CCDC13: variants seen among roughly 807,000 people sequenced by gnomAD.
CCDC13 encodes the protein coiled-coil domain-containing protein 13.
CCDC13 carries 70 observed loss-of-function variants against 87.3 expected under a neutral mutation model. The observed-to-expected ratio is 0.80, with a 90% CI of 0.66 to 0.98. The LOEUF (loss-of-function observed/expected upper bound fraction) is 0.98, where lower values mean the gene tolerates loss of function less well. CCDC13 is among the 50% of genes least tolerant of loss of function. The pLI, the probability that CCDC13 is intolerant of heterozygous loss-of-function variation, is 0.00. For synonymous variants in CCDC13, 317 were observed against 360.3 expected, an observed-to-expected ratio of 0.88 and a Z score of 1.36; for missense variants, 842 against 892.0, an observed-to-expected ratio of 0.94 and a Z score of 0.71.
At chr3:42,713,510 T>C (rs1698361911) in intron 13 of CCDC13, among the ~76,000 whole-genome samples, 194 bp from the exon 14 acceptor site, 1 of 152,176 alleles carries the variant, frequency 6.6e-6, no homozygotes, top group Non-Finnish European at 1.5e-5. Flanking sequence ...ATTTAAAAAT[T>C]ATCAGCCCAC....
At chr3:42,737,158 G>A (rs531202714) in intron 9 of CCDC13, among the ~76,000 whole-genome samples, 2 of 151,806 alleles carry the variant, frequency 1.3e-5, no homozygotes, top group Admixed American at 1.3e-4. Context: ...GTGAGAACAT[G>A]CGGTGTTTGG....
In CCDC13 at chr3:42,735,886, G is replaced by A. The variant is rs1698996778; in HGVS notation, c.1192C>T (p.Leu398=). The change falls in exon 10 of 16, where the codon CTA becomes TTA. Residue 398 remains leucine (L), a synonymous_variant. Coordinates refer to ENST00000310232, the MANE Select transcript of CCDC13 (RefSeq NM_144719.4). Reference sequence around the variant, plus strand: ...TCCTCCTGCAGACTCAGGCTGCCTAGGATCTCCTGTAGCTGCTTCAGCTGG... The same window carrying A: ...TCCTCCTGCAGACTCAGGCTGCCTAAGATCTCCTGTAGCTGCTTCAGCTGG... ...MDQLKQLQEI[L]GSLSLQEEKT... The A allele has an allele frequency of 6.2e-7, 1 of 1,613,936 alleles. No homozygotes were observed. The highest frequency in any genetic ancestry group is 1.3e-5 in the African/African-American group (1 of 74,934).
intron 1 of CCDC13, among the ~76,000 whole-genome samples, chr3:42,763,801 C>T (rs1307757580): frequency 6.6e-6 from 1 of 152,164 alleles, no homozygotes; most frequent in African/African-American, 2.4e-5. Context: ...CCACTGCACC[C>T]AGTCTGAAGA....
intron 1 of CCDC13, among the ~76,000 whole-genome samples, chr3:42,772,462 T>C (rs1393828153): frequency 6.6e-6 from 1 of 151,932 alleles, no homozygotes; most frequent in African/African-American, 2.4e-5. Flanking sequence ...TGAGGAAGGA[T>C]TGAGACCCCT....
intron 1 of CCDC13, among the ~76,000 whole-genome samples, chr3:42,768,208 T>G (rs943546042): frequency 6.6e-6 from 1 of 152,042 alleles, no homozygotes; most frequent in South Asian, 2.1e-4. Context: ...AAATATTAAC[T>G]CAAAATGGGT....
Position 42,728,834 on chromosome 3 carries a change from A to G in CCDC13, c.1718+1633T>C, listed in dbSNP as rs556774101. Reference sequence around the variant, plus strand: ...TAGCAGGAGGAACCCAAGGACCCAAAAAGGGCCAGCATATTCGCAGACAGA... The same window carrying G: ...TAGCAGGAGGAACCCAAGGACCCAAGAAGGGCCAGCATATTCGCAGACAGA... On this transcript the variant is annotated intron_variant, in intron 13 of 15. Coordinates refer to ENST00000310232, the MANE Select transcript of CCDC13 (RefSeq NM_144719.4). Among the ~76,000 whole-genome samples, 326 of 152,292 alleles carry G rather than the reference A, an allele frequency of 2.1e-3. 1 individual carries two copies. The highest frequency in any genetic ancestry group is 3.4e-3 in the Middle Eastern group (1 of 294).
intron 13 of CCDC13, 120 bp downstream of exon 13, chr3:42,730,347 C>G: frequency 1.4e-6 from 2 of 1,410,504 alleles, no homozygotes; most frequent in Non-Finnish European, 1.9e-6. Flanking sequence ...CTAGGAATGC[C>G]CTGGACCAAC....
At chr3:42,755,964 C>T (rs551462825) in intron 3 of CCDC13, among the ~76,000 whole-genome samples, 1 of 152,306 alleles carries the variant, frequency 6.6e-6, no homozygotes, top group African/African-American at 2.4e-5. Flanking sequence ...TGAGTGTAGG[C>T]TTCCTTAGCC....
rs747638798 is a variant in CCDC13 at position 42,742,930 on chromosome 3, C to T, written c.953G>A (p.Arg318His). ...SAQEKNLLRIRSLEREKQEGL... is the reference protein window; with the variant it reads ...SAQEKNLLRIHSLEREKQEGL... ...TTCCTGTTTTTCCCTTTCCAGGCTG[C>T]GGATCCTCAGCAGGTTTTTCTCCTG... The change falls in exon 8 of 16, where the codon CGC becomes CAC. Residue 318 changes from arginine (R) to histidine (H), a missense_variant. Coordinates refer to ENST00000310232, the MANE Select transcript of CCDC13 (RefSeq NM_144719.4). 40 of 1,613,996 alleles carry T rather than the reference C, an allele frequency of 2.5e-5. No homozygotes were observed. The highest frequency in any genetic ancestry group is 2.0e-4 in the Admixed American group (12 of 60,000).
chr3:42,735,812 C>G lies in CCDC13; in HGVS notation c.1266G>C (p.Glu422Asp). The change falls in exon 10 of 16, where the codon GAG becomes GAC. Residue 422 changes from glutamate to aspartate, a missense_variant. Glu to Asp is a conservative substitution (Grantham distance 45, BLOSUM62 2). Transcript: ENST00000310232. Reference protein sequence around the residue: ...QHHLDQQLNSEAQRSNSLVAQ... With the variant: ...QHHLDQQLNSDAQRSNSLVAQ... ...CGACTAGGCTGTTGCTCCGCTGAGC[C>G]TCGCTGTTCAGTTGCTGGTCCAGGT... 6.2e-7 allele frequency: 1 copy of G among 1,614,264 alleles called. No homozygotes were observed. The highest frequency in any genetic ancestry group is 1.3e-5 in the African/African-American group (1 of 75,074).
At chr3:42,762,604 G>A (rs896004662) in intron 1 of CCDC13, among the ~76,000 whole-genome samples, 1 of 152,178 alleles carries the variant, frequency 6.6e-6, no homozygotes, top group Non-Finnish European at 1.5e-5. Context: ...GCCACGAATT[G>A]TTTCTGGGAG....
At chr3:42,746,829 T>C (rs190171568) in intron 6 of CCDC13, 1 of 274,060 alleles carries the variant, frequency 3.6e-6, no homozygotes, top group Non-Finnish European at 7.2e-6. Context: ...AAGTAACCTA[T>C]TCATTTTCTG....
chr3:42,735,520 T>C (rs934203661), intron 10 of CCDC13, among the ~76,000 whole-genome samples, 187 bp downstream of exon 10: 3 of 151,958 alleles, frequency 2.0e-5, no homozygotes, highest in African/African-American at 7.3e-5. Flanking sequence ...AGATTTTAAG[T>C]AGAGCAAGGA....
intron 1 of CCDC13, among the ~76,000 whole-genome samples, chr3:42,760,507 C>T (rs958478746): frequency 6.6e-6 from 1 of 151,984 alleles, no homozygotes; most frequent in Non-Finnish European, 1.5e-5. Context: ...ATCCCAGTTA[C>T]TCAGGAGGCT....
At chr3:42,734,317 T>C (rs1454314677) in intron 10 of CCDC13, among the ~76,000 whole-genome samples, 1 of 152,178 alleles carries the variant, frequency 6.6e-6, no homozygotes, top group Non-Finnish European at 1.5e-5. Flanking sequence ...ATTCAGCTGG[T>C]GACCTCGGAG....
In CCDC13 at chr3:42,736,205, C is replaced by T. The variant is rs78353872; in HGVS notation, c.1165-292G>A. Among the ~76,000 whole-genome samples the T allele has an allele frequency of 1.5e-3, 221 of 152,282 alleles. 1 individual carries two copies. The East Asian group carries it at 0.023, about 16-fold the overall frequency. On this transcript the variant is annotated intron_variant, in intron 9 of 15. Coordinates refer to ENST00000310232, the MANE Select transcript of CCDC13 (RefSeq NM_144719.4). Reference sequence around the variant, plus strand: ...GTAGATCAGATGGTGACTCCTCACCCGGTGGGGGAGATATTTAGCTAAAAG... The same window carrying T: ...GTAGATCAGATGGTGACTCCTCACCTGGTGGGGGAGATATTTAGCTAAAAG...
intron 1 of CCDC13, among the ~76,000 whole-genome samples, chr3:42,764,834 AAACTT>A (rs1699900797): frequency 6.6e-6 from 1 of 152,116 alleles, no homozygotes; most frequent in African/African-American, 2.4e-5. Flanking sequence ...CTTGATCACT[AAACTT>A]AACCTCAGTG....
intron 13 of CCDC13, among the ~76,000 whole-genome samples, chr3:42,715,255 G>T (rs1698403793): frequency 6.6e-6 from 1 of 151,868 alleles, no homozygotes; most frequent in Non-Finnish European, 1.5e-5. Context: ...GTTACAGTGA[G>T]CTGAGATTGT....
intron 13 of CCDC13, among the ~76,000 whole-genome samples, chr3:42,724,792 T>G (rs59478814): frequency 0.24 from 35,362 of 148,398 alleles, 4,380 homozygotes; most frequent in Non-Finnish European, 0.28. Flanking sequence ...TATTAAAAAT[T>G]TTGCTTTCAT....
Sources: allele counts gnomAD v4.1 joint callset (sites outside exome capture counted in the v4.1 genomes callset), GRCh38; gene constraint gnomAD v4.1.1; transcripts MANE v1.5; gene names NCBI Gene and HGNC (gene_info 2026-07-23, HGNC 2026-07-21).